The following LIN54 variants were observed in gnomAD, a reference collection of about 807,000 sequenced individuals.
LIN54 encodes protein lin-54 homolog.
In LIN54, 9 loss-of-function variants were observed where a neutral mutation model predicts 78.7. That is an observed-to-expected ratio of 0.11 (90% CI 0.07 to 0.20). LIN54 has a LOEUF of 0.20. Among genes scored for constraint, LIN54 ranks in the 10% least tolerant of loss-of-function variants. The pLI, the probability that LIN54 is intolerant of heterozygous loss-of-function variation, is 1.00. For synonymous variants in LIN54, 269 were observed against 318.4 expected (o/e 0.84, Z 1.65); for missense variants, 573 against 889.9 (o/e 0.64, Z 4.53).
upstream of LIN54, among the ~76,000 whole-genome samples, chr4:83,011,071 A>T (rs771418596): frequency 8.5e-5 from 13 of 152,218 alleles, no homozygotes; most frequent in Non-Finnish European, 1.2e-4. Context: ...ACCAAAAGCC[A>T]TGCGGAGGGT....
At chr4:82,995,489 C>CTTTTTTTTT (rs749880882) in intron 1 of LIN54, among the ~76,000 whole-genome samples, 6 of 76,348 alleles carry the variant, frequency 7.9e-5, no homozygotes, top group African/African-American at 1.0e-4. Flanking sequence ...ATCCTTATCT[C>CTTTTTTTTT]TTTTTTTTTT....
Position 82,984,355 on chromosome 4 carries a change from C to T in LIN54, c.490G>A (p.Ala164Thr). ...LALPHSQLPQ[A>T]QKVTTQAQSG... The stretch of plus-strand genomic sequence containing the variant: ...TGGGCCTGAGTTGTAACTTTCTGAG[C>T]CTGGGGTAGTTGGCTATGGGGTAGT... Residue 164 changes from alanine to threonine, a missense_variant, in exon 2 of 13, where the codon GCT (alanine) becomes ACT (threonine). By Grantham distance (58) the Ala-to-Thr change is moderately conservative (BLOSUM62 0). This residue lies in a region of LIN54 where 183 missense variants were observed against 228.4 expected (regional missense o/e 0.80). Transcript: ENST00000340417. 6.2e-7 allele frequency: 1 copy of T among 1,614,068 alleles called. No homozygotes were observed.
At chr4:82,983,360 G>A (rs560647107) in intron 2 of LIN54, among the ~76,000 whole-genome samples, 1 of 152,028 alleles carries the variant, frequency 6.6e-6, no homozygotes, top group African/African-American at 2.4e-5. Flanking sequence ...AGCCTATTTG[G>A]GCATGATAAA....
At chr4:83,010,078 C>A (rs149064783) in intron 1 of LIN54, among the ~76,000 whole-genome samples, 385 of 152,218 alleles carry the variant, frequency 2.5e-3, no homozygotes, top group African/African-American at 8.9e-3. Context: ...AAAATGTGAA[C>A]ATCCACAACC....
intron 1 of LIN54, among the ~76,000 whole-genome samples, chr4:83,006,868 G>A (rs1301989326): frequency 2.0e-5 from 3 of 152,226 alleles, no homozygotes; most frequent in Admixed American, 6.5e-5. Context: ...GGCCAGGCGT[G>A]ATGGCTCACA....
At position 83,002,417 on chromosome 4, in the gene LIN54, A is replaced by G. The variant is rs1578662650; in HGVS notation, c.-33+8067T>C. ...GAAGGAAGGAAGGAGGGAAGGAAGG[A>G]GGGATAGAAAGGAGGGAGGGAGGGA... On this transcript the variant is annotated intron_variant, in intron 1 of 12. Transcript: ENST00000340417. 5.1e-5 allele frequency among the ~76,000 whole-genome samples: 6 copies of G among 118,284 alleles called. No individual in the cohort carries two copies. The South Asian group carries it at 1.8e-3, about 36-fold the overall frequency. 77.6% of individuals were successfully genotyped at this position (118,284 alleles called of 152,430 possible).
intron 1 of LIN54, among the ~76,000 whole-genome samples, chr4:83,001,343 G>A (rs1055153924): frequency 3.8e-5 from 1 of 26,158 alleles, no homozygotes; most frequent in Non-Finnish European, 9.9e-5. Flanking sequence ...CTTGAGCCCC[G>A]CAGTTTGAGT....
chr4:82,969,039 A>G (rs1019877577), intron 4 of LIN54, among the ~76,000 whole-genome samples: 1 of 152,192 alleles, frequency 6.6e-6, no homozygotes, highest in Non-Finnish European at 1.5e-5. Flanking sequence ...AAGCAATGAG[A>G]AGCCACAGAA....
chr4:82,976,713 A>G (rs1726194473), intron 3 of LIN54, among the ~76,000 whole-genome samples: 1 of 152,212 alleles, frequency 6.6e-6, no homozygotes, highest in Admixed American at 6.5e-5. Flanking sequence ...GTCTTAAAAA[A>G]AAGACTAGCT....
At chr4:82,961,400 C>T (rs1724781405) in intron 4 of LIN54, among the ~76,000 whole-genome samples, 1 of 152,150 alleles carries the variant, frequency 6.6e-6, no homozygotes, top group Non-Finnish European at 1.5e-5. Context: ...CTTCTGTACA[C>T]AGCTTATGCC....
chr4:82,962,903 AGTT>A (rs1724919552), intron 4 of LIN54, among the ~76,000 whole-genome samples: 1 of 152,078 alleles, frequency 6.6e-6, no homozygotes, highest in Admixed American at 6.5e-5. Context: ...AGAAGATCAA[AGTT>A]AAGTTTAAGA....
chr4:82,946,574 A>T, intron 4 of LIN54, 100 bp from the exon 5 acceptor site: 1 of 878,828 alleles, frequency 1.1e-6, no homozygotes. Flanking sequence ...ATGCTCCTGT[A>T]TTGCATCAAA....
At chr4:82,931,726 G>A (rs1560714523) in intron 11 of LIN54, among the ~76,000 whole-genome samples, 1 of 152,104 alleles carries the variant, frequency 6.6e-6, no homozygotes, top group Non-Finnish European at 1.5e-5. Context: ...TATGTCAAAT[G>A]TAAGTATATA....
chr4:82,999,203 G>A (rs1420543404), intron 1 of LIN54, among the ~76,000 whole-genome samples: 1 of 152,086 alleles, frequency 6.6e-6, no homozygotes, highest in Admixed American at 6.6e-5. Context: ...ATAACACTAG[G>A]AGACCCATAT....
At chr4:82,969,097 C>G (rs9884469) in intron 4 of LIN54, among the ~76,000 whole-genome samples, 1 of 151,972 alleles carries the variant, frequency 6.6e-6, no homozygotes, top group African/African-American at 2.4e-5. Context: ...AACCTTAGCA[C>G]CCTCGGCTCT....
chr4:82,990,736 G>A (rs182011880), intron 1 of LIN54, among the ~76,000 whole-genome samples: 5 of 152,200 alleles, frequency 3.3e-5, no homozygotes, highest in East Asian at 1.9e-4. Context: ...GCCCGCCTCC[G>A]CCTCCCAAAG....
intron 1 of LIN54, among the ~76,000 whole-genome samples, chr4:82,985,733 G>T (rs1346775879): frequency 6.6e-6 from 1 of 152,196 alleles, no homozygotes; most frequent in Non-Finnish European, 1.5e-5. Context: ...TAGAGACAGG[G>T]TTTTGCCATG....
intron 4 of LIN54, among the ~76,000 whole-genome samples, chr4:82,946,768 T>A (rs1469046114): frequency 6.6e-6 from 1 of 152,232 alleles, no homozygotes; most frequent in African/African-American, 2.4e-5. Flanking sequence ...ACAACTTTGT[T>A]AATATCAGGT....
rs1045209384 is a variant in LIN54, at chr4:82,931,035, T to A, written c.1956A>T (p.Val652=). 1 of 1,614,216 alleles carries A rather than the reference T, an allele frequency of 6.2e-7. No homozygotes were observed. The highest frequency in any genetic ancestry group is 1.7e-5 in the Admixed American group (1 of 60,032). ...MHLADAAEVR[V]QQQTAAKTKL... ...TCGTCTTGGCTGCTGTTTGTTGCTG[T>A]ACCCTTACTTCAGCTGCATCTGCCA... is the stretch of plus-strand genomic sequence containing the variant. The change falls in exon 12 of 13, where the codon GTA becomes GTT. Residue 652 remains valine (V), a synonymous_variant. Coordinates refer to ENST00000340417, the MANE Select transcript of LIN54 (RefSeq NM_194282.4).
Sources: gnomAD v4.1 joint callset for allele counts (sites outside exome capture counted in the v4.1 genomes callset) on GRCh38, gnomAD v4.1.1 for gene constraint, gnomAD v4.1.1 regional missense constraint, MANE v1.5 for transcripts, NCBI Gene and HGNC (gene_info 2026-07-23, HGNC 2026-07-21) for gene names.